The following GABRB1 variants were observed in gnomAD, a reference collection of about 807,000 sequenced individuals.
GABRB1 encodes gamma-aminobutyric acid receptor subunit beta-1.
In GABRB1, 17 loss-of-function variants were observed where a neutral mutation model predicts 51.6. The ratio of observed to expected loss-of-function variants is 0.33; its 90% CI spans 0.23 to 0.49. GABRB1 has a LOEUF of 0.49. GABRB1 is among the 20% of genes least tolerant of loss of function. GABRB1 has a pLI of 0.99. For synonymous variants in GABRB1, 247 were observed against 218.9 expected, an observed-to-expected ratio of 1.13 and a Z score of -1.14; for missense variants, 410 against 600.6, an observed-to-expected ratio of 0.68 and a Z score of 3.32.
chr4:47,110,699 C>A (rs570908474), intron 3 of GABRB1, among the ~76,000 whole-genome samples: 1 of 152,152 alleles, frequency 6.6e-6, no homozygotes, highest in African/African-American at 2.4e-5. Flanking sequence ...TGATGAAAGC[C>A]AAGTTTTAGA....
At chr4:47,327,118 A>C (rs1455166060) in intron 5 of GABRB1, among the ~76,000 whole-genome samples, 4 of 152,214 alleles carry the variant, frequency 2.6e-5, no homozygotes, top group Non-Finnish European at 5.9e-5. Context: ...TTTTACTTGC[A>C]ATAAAATATC....
chr4:47,240,661 G>A (rs1721487909), intron 4 of GABRB1, among the ~76,000 whole-genome samples: 1 of 152,136 alleles, frequency 6.6e-6, no homozygotes, highest in Admixed American at 6.5e-5. Flanking sequence ...CATGGCATAA[G>A]AATATACGGA....
intron 3 of GABRB1, among the ~76,000 whole-genome samples, chr4:47,112,450 A>G (rs1405681565): frequency 6.6e-6 from 1 of 152,208 alleles, no homozygotes; most frequent in East Asian, 1.9e-4. Context: ...CAGAAAGTGA[A>G]TGGCTTTGGA....
At chr4:47,094,316 C>T (rs1714286488) in intron 3 of GABRB1, among the ~76,000 whole-genome samples, 1 of 149,444 alleles carries the variant, frequency 6.7e-6, no homozygotes, top group South Asian at 2.1e-4. Context: ...ACCTCTGCCT[C>T]CCAGGTTCAA....
chr4:47,113,986 T>C (rs1295875348), intron 3 of GABRB1, among the ~76,000 whole-genome samples: 1 of 152,224 alleles, frequency 6.6e-6, no homozygotes, highest in Non-Finnish European at 1.5e-5. Flanking sequence ...GGCCACAGCC[T>C]TACGGCAATT....
At chr4:47,245,961 A>G (rs1300253296) in intron 4 of GABRB1, among the ~76,000 whole-genome samples, 3 of 147,372 alleles carry the variant, frequency 2.0e-5, no homozygotes, top group African/African-American at 7.5e-5. Context: ...GTGGTATCTG[A>G]TTACATAAGT....
At chr4:47,404,770 T>C (rs1021386597) in intron 7 of GABRB1, among the ~76,000 whole-genome samples, 6 of 152,178 alleles carry the variant, frequency 3.9e-5, no homozygotes, top group Non-Finnish European at 7.4e-5. Flanking sequence ...CATCTGCACA[T>C]ATTACTTGAA....
In GABRB1 at chr4:47,045,900, A is replaced by G. The variant is rs1326297294; in HGVS notation, c.240+13416A>G. Among the ~76,000 whole-genome samples the G allele has an allele frequency of 3.3e-5, 5 of 152,076 alleles. No individual in the cohort carries two copies. The South Asian group carries it at 1.0e-3, about 32-fold the overall frequency. ...CACTGTAACCAGGCACTGTTATGAG[A>G]GCTTAATATGGTTTGGCTCTGTGTC... On this transcript the variant is annotated intron_variant, in intron 3 of 8. Transcript: ENST00000295454.
intron 4 of GABRB1, among the ~76,000 whole-genome samples, chr4:47,224,510 G>A (rs1252354981): frequency 6.6e-6 from 1 of 151,944 alleles, no homozygotes; most frequent in East Asian, 1.9e-4. Context: ...CAGGTAGAAG[G>A]ATTCTTGCTA....
intron 5 of GABRB1, among the ~76,000 whole-genome samples, chr4:47,346,993 G>A (rs995020583): frequency 6.6e-6 from 1 of 152,040 alleles, no homozygotes; most frequent in African/African-American, 2.4e-5. Context: ...CAAAAATAAC[G>A]TTTATGGCAG....
intron 1 of GABRB1, among the ~76,000 whole-genome samples, chr4:46,999,279 C>A (rs1423417639): frequency 6.6e-6 from 1 of 152,088 alleles, no homozygotes; most frequent in Non-Finnish European, 1.5e-5. Flanking sequence ...AATGTCATGT[C>A]TTGTTTCAAG....
intron 4 of GABRB1, among the ~76,000 whole-genome samples, chr4:47,286,121 G>A (rs1041337183): frequency 6.6e-6 from 1 of 152,068 alleles, no homozygotes; most frequent in African/African-American, 2.4e-5. Flanking sequence ...TGACTTACTG[G>A]ATATACCAGT....
intron 3 of GABRB1, among the ~76,000 whole-genome samples, chr4:47,141,480 T>A (rs1716931306): frequency 6.6e-6 from 1 of 152,030 alleles, no homozygotes; most frequent in Non-Finnish European, 1.5e-5. Context: ...ATCATTCACA[T>A]TTTGTAAATT....
At chr4:47,050,429 G>GTA (rs34799114) in intron 3 of GABRB1, among the ~76,000 whole-genome samples, 33,240 of 151,388 alleles carry the variant, frequency 0.22, 4,691 homozygotes, top group Middle Eastern at 0.37. Flanking sequence ...ATGTATATAC[G>GTA]TATATATATA....
At chr4:47,110,707 A>G (rs1052551678) in intron 3 of GABRB1, among the ~76,000 whole-genome samples, 2 of 152,206 alleles carry the variant, frequency 1.3e-5, no homozygotes, top group Non-Finnish European at 2.9e-5. Flanking sequence ...GCCAAGTTTT[A>G]GAAATCTTAT....
chr4:47,043,622 C>T, intron 3 of GABRB1, among the ~76,000 whole-genome samples: 1 of 151,962 alleles, frequency 6.6e-6, no homozygotes, highest in African/African-American at 2.4e-5. Context: ...GAGATATGAG[C>T]CAAAACTCAA....
chr4:47,200,312 AC>A (rs1719847768), intron 4 of GABRB1, among the ~76,000 whole-genome samples: 1 of 152,084 alleles, frequency 6.6e-6, no homozygotes, highest in Non-Finnish European at 1.5e-5. Context: ...CAAGAGCATG[AC>A]CCTAGCTGTG....
intron 4 of GABRB1, among the ~76,000 whole-genome samples, chr4:47,248,697 C>T (rs1440496813): frequency 6.6e-6 from 1 of 151,944 alleles, no homozygotes; most frequent in Admixed American, 6.6e-5. Context: ...TGTTATTGGT[C>T]TGTTCAGGGT....
chr4:47,404,366 C>A (rs530386167), intron 7 of GABRB1, among the ~76,000 whole-genome samples: 38 of 152,088 alleles, frequency 2.5e-4, no homozygotes, highest in South Asian at 4.2e-4. Flanking sequence ...TTAAAGGATT[C>A]CTTGGAAGGT....
Sources: gnomAD v4.1 joint callset for allele counts (sites outside exome capture counted in the v4.1 genomes callset) on GRCh38, gnomAD v4.1.1 for gene constraint, MANE v1.5 for transcripts, NCBI Gene and HGNC (gene_info 2026-07-23, HGNC 2026-07-21) for gene names.